Variants in TMEM132D observed in about 807,000 individuals in gnomAD.
TMEM132D encodes the protein mature OL transmembrane protein.
In TMEM132D, 21 loss-of-function variants were observed where a neutral mutation model predicts 62.3. The observed-to-expected ratio is 0.34, with a 90% CI of 0.24 to 0.49. The LOEUF (loss-of-function observed/expected upper bound fraction) is 0.49. Among genes scored for constraint, TMEM132D ranks in the 20% least tolerant of loss-of-function variants. The pLI is 0.99. For missense variants in TMEM132D, 1,346 were observed against 1,402.8 expected (o/e 0.96, Z 0.65); for synonymous variants, 621 against 575.6 (o/e 1.08, Z -1.13).
At chr12:129,886,633 C>T (rs55690223) in intron 1 of TMEM132D, among the ~76,000 whole-genome samples, 5,591 of 152,184 alleles carry the variant, frequency 0.037, 346 homozygotes, top group African/African-American at 0.13. Context: ...TGCCATGCAT[C>T]GCCAGGGCCA....
chr12:129,615,790 C>CAAAATAAAAT (rs1390283857), intron 2 of TMEM132D, among the ~76,000 whole-genome samples: 12 of 138,408 alleles, frequency 8.7e-5, no homozygotes, highest in South Asian at 6.8e-4. Context: ...CAAAACAAAA[C>CAAAATAAAAT]AAAACAAAAT....
At chr12:129,593,281 T>C (rs771005448) in intron 2 of TMEM132D, among the ~76,000 whole-genome samples, 56 of 152,186 alleles carry the variant, frequency 3.7e-4, no homozygotes, top group Admixed American at 3.3e-4. Flanking sequence ...CATGGTGAAG[T>C]AACTTTCTTC....
At chr12:129,327,030 A>T (rs1427046118) in intron 4 of TMEM132D, among the ~76,000 whole-genome samples, 1 of 152,182 alleles carries the variant, frequency 6.6e-6, no homozygotes, top group Non-Finnish European at 1.5e-5. Flanking sequence ...CCGTGTTGAC[A>T]ACCCAAACAT....
chr12:129,576,758 C>G (rs1297671820), intron 2 of TMEM132D, among the ~76,000 whole-genome samples: 2 of 151,774 alleles, frequency 1.3e-5, no homozygotes, highest in Non-Finnish European at 1.5e-5. Flanking sequence ...GTAGCCTCAC[C>G]AGTAACAAAA....
chr12:129,305,320 A>G (rs1292020005), intron 4 of TMEM132D, among the ~76,000 whole-genome samples: 1 of 152,190 alleles, frequency 6.6e-6, no homozygotes, highest in East Asian at 1.9e-4. Flanking sequence ...AACAAATTCA[A>G]CACTCTCCTG....
chr12:129,721,172 G>C (rs1868813506), intron 1 of TMEM132D, among the ~76,000 whole-genome samples: 1 of 152,154 alleles, frequency 6.6e-6, no homozygotes, highest in African/African-American at 2.4e-5. Flanking sequence ...CATGAGGGAA[G>C]GTGGGCACGT....
At chr12:129,458,451 A>G (rs774591261) in intron 3 of TMEM132D, among the ~76,000 whole-genome samples, 3 of 150,960 alleles carry the variant, frequency 2.0e-5, no homozygotes, top group Non-Finnish European at 2.9e-5. Context: ...TAATGATACC[A>G]TAAGACACAA....
At chr12:129,342,136 G>C (rs1869511138) in intron 3 of TMEM132D, among the ~76,000 whole-genome samples, 1 of 152,134 alleles carries the variant, frequency 6.6e-6, no homozygotes, top group South Asian at 2.1e-4. Context: ...TAAGCCAAAA[G>C]AACAAAGCTG....
intron 1 of TMEM132D, among the ~76,000 whole-genome samples, chr12:129,872,901 G>A (rs753183542): frequency 4.6e-5 from 7 of 152,114 alleles, no homozygotes; most frequent in Non-Finnish European, 7.3e-5. Context: ...CATACTTCAC[G>A]CGAGGCAGAT....
In TMEM132D at chr12:129,643,082, G is replaced by A. The variant is rs1477123076; in HGVS notation, c.968+56728C>T. On this transcript the variant is annotated intron_variant, in intron 2 of 8. Transcript: ENST00000422113. ...TGGGATTACAGGCACACTCCACCAC[G>A]CCCGACTAATTTTCGTATTTTTAGT... 3.3e-5 allele frequency among the ~76,000 whole-genome samples: 5 copies of A among 151,680 alleles called. No homozygotes were observed. In the East Asian group the frequency reaches 7.7e-4, roughly 23 times the overall value.
chr12:129,271,601 C>T (rs1277257616), intron 4 of TMEM132D, among the ~76,000 whole-genome samples: 3 of 151,624 alleles, frequency 2.0e-5, no homozygotes, highest in African/African-American at 7.3e-5. Context: ...TGATGTTCCC[C>T]TCCCTGTGTC....
rs1236556693 is a variant in TMEM132D, at chr12:129,463,375, C to CA, written c.1115+67683dup. Among the ~76,000 whole-genome samples the CA allele has an allele frequency of 6.6e-5, 10 of 151,888 alleles. No homozygotes were observed. The East Asian group carries it at 1.7e-3, about 26-fold the overall frequency. ...TTCACATTCACAGGTAAGCCTATCTCAGCTTTCCATATGGCAAAAAACATA... is the reference window on the plus strand; with the variant it reads ...TTCACATTCACAGGTAAGCCTATCTCAAGCTTTCCATATGGCAAAAAACATA... On this transcript the variant is annotated intron_variant, in intron 3 of 8. Transcript: ENST00000422113.
intron 2 of TMEM132D, among the ~76,000 whole-genome samples, chr12:129,547,912 C>T (rs1876784442): frequency 6.6e-6 from 1 of 152,174 alleles, no homozygotes; most frequent in Admixed American, 6.5e-5. Flanking sequence ...ACTCCAGGAG[C>T]TCTGTTCTTA....
At chr12:129,468,416 T>G (rs1002037913) in intron 3 of TMEM132D, among the ~76,000 whole-genome samples, 1 of 152,172 alleles carries the variant, frequency 6.6e-6, no homozygotes, top group African/African-American at 2.4e-5. Flanking sequence ...CATTCTGTAT[T>G]GCAAAGAAGA....
At chr12:129,606,614 C>T (rs527740110) in intron 2 of TMEM132D, among the ~76,000 whole-genome samples, 36 of 152,264 alleles carry the variant, frequency 2.4e-4, no homozygotes, top group African/African-American at 8.2e-4. Context: ...AACCCCAATA[C>T]AGGCACTACA....
At position 129,903,117 on chromosome 12, in the gene TMEM132D, G is replaced by T; in HGVS notation, c.79+144C>A. The T allele has an allele frequency of 1.1e-6, 1 of 882,294 alleles. No individual in the cohort carries two copies. The highest frequency in any genetic ancestry group is 1.7e-6 in the Non-Finnish European group (1 of 573,862). 54.7% of individuals were successfully genotyped at this position (882,294 alleles called of 1,614,324 possible). A position where few individuals can be genotyped will look rare whatever the true frequency, so the allele number is the denominator to read the frequency against. Reference sequence around the variant, plus strand: ...CTGCCGCACGAGCGCACGTTCACACGCGCGCACACACACATGCACACAAGC... The same window carrying T: ...CTGCCGCACGAGCGCACGTTCACACTCGCGCACACACACATGCACACAAGC... On this transcript the variant is annotated intron_variant, in intron 1 of 8. Transcript: ENST00000422113. The surrounding 1 kb of genome is among the most constrained non-coding windows in gnomAD (Gnocchi z 6.2).
At chr12:129,860,949 C>G (rs1390185994) in intron 1 of TMEM132D, among the ~76,000 whole-genome samples, 1 of 152,194 alleles carries the variant, frequency 6.6e-6, no homozygotes, top group Non-Finnish European at 1.5e-5. Flanking sequence ...CCGCCCATGA[C>G]ACATAGGGAT....
chr12:129,634,804 C>T (rs944347111), intron 2 of TMEM132D, among the ~76,000 whole-genome samples: 8 of 152,000 alleles, frequency 5.3e-5, no homozygotes, highest in Admixed American at 3.3e-4. Flanking sequence ...AAAATTTTGC[C>T]TCTTTTAAAA....
chr12:129,083,060 GA>G (rs1874504871), intron 6 of TMEM132D, among the ~76,000 whole-genome samples: 1 of 152,186 alleles, frequency 6.6e-6, no homozygotes, highest in Non-Finnish European at 1.5e-5. Context: ...TAACTTTGGG[GA>G]TAAGTTTTAA....
Sources: allele counts gnomAD v4.1 joint callset (sites outside exome capture counted in the v4.1 genomes callset), GRCh38; gene constraint gnomAD v4.1.1; non-coding constraint Gnocchi (gnomAD v3.1); transcripts MANE v1.5; gene names NCBI Gene and HGNC (gene_info 2026-07-23, HGNC 2026-07-21).